Variants in SGCZ observed in about 807,000 individuals in gnomAD.
SGCZ encodes zeta-sarcoglycan.
In SGCZ, 40 loss-of-function variants were observed where a neutral mutation model predicts 41.3. That is an observed-to-expected ratio of 0.97 (90% CI 0.75 to 1.26). The LOEUF (loss-of-function observed/expected upper bound fraction) is 1.26, where lower values mean the gene tolerates loss of function less well. SGCZ is among the 50% of genes most tolerant of loss of function. SGCZ has a pLI of 0.00. For synonymous variants in SGCZ, 206 were observed against 137.5 expected, an observed-to-expected ratio of 1.50 and a Z score of -3.49; for missense variants, 552 against 369.8, an observed-to-expected ratio of 1.49 and a Z score of -4.04.
intron 3 of SGCZ, among the ~76,000 whole-genome samples, chr8:14,278,088 C>T (rs1387472759): frequency 1.3e-5 from 2 of 152,142 alleles, no homozygotes; most frequent in Non-Finnish European, 2.9e-5. Flanking sequence ...TAACTTTTCA[C>T]TCCCATCGAG....
intron 2 of SGCZ, among the ~76,000 whole-genome samples, chr8:14,537,289 G>A (rs1803325186): frequency 6.6e-6 from 1 of 151,850 alleles, no homozygotes; most frequent in Non-Finnish European, 1.5e-5. Context: ...CAAGACCAGG[G>A]TGGGGGGTCG....
At chr8:14,917,795 T>A (rs10108956) in intron 1 of SGCZ, among the ~76,000 whole-genome samples, 1 of 152,028 alleles carries the variant, frequency 6.6e-6, no homozygotes, top group East Asian at 1.9e-4. Flanking sequence ...ATTTCGTGTC[T>A]TCTATTTTGT....
At chr8:14,539,476 TG>T (rs138544899) in intron 2 of SGCZ, among the ~76,000 whole-genome samples, 2,844 of 151,964 alleles carry the variant, frequency 0.019, 83 homozygotes, top group African/African-American at 0.063. Context: ...AAGAGGATAT[TG>T]GGGAAGATTG....
intron 2 of SGCZ, among the ~76,000 whole-genome samples, chr8:14,372,239 C>G (rs967807748): frequency 6.6e-6 from 1 of 152,026 alleles, no homozygotes; most frequent in Admixed American, 6.6e-5. Flanking sequence ...ACTAAATTTG[C>G]GAAACAGAAG....
At chr8:14,573,556 A>G (rs1042725524) in intron 1 of SGCZ, among the ~76,000 whole-genome samples, 5 of 152,134 alleles carry the variant, frequency 3.3e-5, no homozygotes, top group Admixed American at 2.6e-4. Flanking sequence ...CGAAAGAGCT[A>G]TTAGAGAATT....
At chr8:14,218,478 C>T (rs34223868) in intron 4 of SGCZ, among the ~76,000 whole-genome samples, 36,214 of 152,114 alleles carry the variant, frequency 0.24, 5,540 homozygotes, top group Non-Finnish European at 0.34. Flanking sequence ...AAAACTCAAT[C>T]TTGTAAAGAC....
intron 2 of SGCZ, among the ~76,000 whole-genome samples, chr8:14,528,743 T>A (rs1803029125): frequency 6.6e-6 from 1 of 150,856 alleles, no homozygotes; most frequent in Non-Finnish European, 1.5e-5. Flanking sequence ...TTTCTATTTC[T>A]GGGCTGCCTC....
At chr8:14,892,336 C>T (rs1322466274) in intron 1 of SGCZ, among the ~76,000 whole-genome samples, 3 of 152,012 alleles carry the variant, frequency 2.0e-5, no homozygotes, top group South Asian at 2.1e-4. Flanking sequence ...CACTCAAAAG[C>T]GTGATGCTCA....
intron 1 of SGCZ, among the ~76,000 whole-genome samples, chr8:15,044,258 G>T (rs1023271405): frequency 3.3e-5 from 5 of 152,000 alleles, no homozygotes; most frequent in Non-Finnish European, 7.4e-5. Context: ...TTTGACAAGG[G>T]GGCACTGTTA....
intron 4 of SGCZ, among the ~76,000 whole-genome samples, chr8:14,214,542 T>A (rs1404882017): frequency 2.0e-5 from 3 of 152,070 alleles, no homozygotes; most frequent in Non-Finnish European, 4.4e-5. Context: ...AGTCTGCAAA[T>A]GCAAAACTGA....
At chr8:14,304,560 T>C (rs1446704694) in intron 3 of SGCZ, among the ~76,000 whole-genome samples, 2 of 152,116 alleles carry the variant, frequency 1.3e-5, no homozygotes, top group Non-Finnish European at 2.9e-5. Context: ...GCAACTGCAA[T>C]CCAGCCTGGG....
At chr8:14,176,154 CAAAACATT>C (rs1804535779) in intron 4 of SGCZ, among the ~76,000 whole-genome samples, 1 of 151,982 alleles carries the variant, frequency 6.6e-6, no homozygotes, top group African/African-American at 2.4e-5. Flanking sequence ...AATAATGAAA[CAAAACATT>C]ATCATCAGTG....
intron 1 of SGCZ, among the ~76,000 whole-genome samples, chr8:15,011,334 C>T (rs865783263): frequency 6.6e-5 from 10 of 152,174 alleles, no homozygotes; most frequent in Admixed American, 6.5e-5. Context: ...GAAACAAAAA[C>T]GGCCATTACA....
At chr8:14,552,649 T>C (rs1803907110) in intron 2 of SGCZ, among the ~76,000 whole-genome samples, 1 of 151,998 alleles carries the variant, frequency 6.6e-6, no homozygotes, top group African/African-American at 2.4e-5. Context: ...AAGAGCTCCA[T>C]GGGTGACAGG....
chr8:14,250,348 C>T (rs534249301), intron 3 of SGCZ, among the ~76,000 whole-genome samples: 3 of 152,286 alleles, frequency 2.0e-5, no homozygotes, highest in East Asian at 3.9e-4. Flanking sequence ...ACCCCAATTT[C>T]CATGGGAAAG....
intron 2 of SGCZ, among the ~76,000 whole-genome samples, chr8:14,490,733 A>G (rs1443264481): frequency 6.6e-6 from 1 of 152,230 alleles, no homozygotes. Context: ...AAATGCAAAC[A>G]TACCACTAAA....
chr8:14,450,866 G>A (rs1800573388), intron 2 of SGCZ, among the ~76,000 whole-genome samples: 1 of 152,048 alleles, frequency 6.6e-6, no homozygotes, highest in South Asian at 2.1e-4. Context: ...TCTCTTCAAG[G>A]ATACTACAAA....
intron 4 of SGCZ, among the ~76,000 whole-genome samples, chr8:14,175,683 A>G (rs1178898589): frequency 6.6e-6 from 1 of 152,096 alleles, no homozygotes; most frequent in Non-Finnish European, 1.5e-5. Context: ...AGGCAAGAGA[A>G]CAAAACAAAA....
intron 1 of SGCZ, among the ~76,000 whole-genome samples, chr8:14,615,287 C>T (rs1052558670): frequency 6.6e-6 from 1 of 152,170 alleles, no homozygotes; most frequent in African/African-American, 2.4e-5. Context: ...AGCCAGATTT[C>T]AGCCAGTTGC....
Sources: allele counts gnomAD v4.1 joint callset (sites outside exome capture counted in the v4.1 genomes callset), GRCh38; gene constraint gnomAD v4.1.1; transcripts MANE v1.5; gene names NCBI Gene and HGNC (gene_info 2026-07-23, HGNC 2026-07-21).